Variants in KIAA1328 observed in about 807,000 individuals in gnomAD.
The protein encoded by KIAA1328 is KIAA1328, also known as protein hinderin.
A neutral mutation model predicts 68.1 loss-of-function variants in KIAA1328; 52 were observed. The observed-to-expected ratio is 0.76, with a 90% CI of 0.61 to 0.96. The LOEUF is 0.96. Among genes scored for constraint, KIAA1328 ranks in the 40% least tolerant of loss-of-function variants. The pLI is 0.00. For synonymous variants in KIAA1328, 232 were observed against 239.4 expected, an observed-to-expected ratio of 0.97 and a Z score of 0.28; for missense variants, 641 against 677.6, an observed-to-expected ratio of 0.95 and a Z score of 0.60.
intron 6 of KIAA1328, among the ~76,000 whole-genome samples, chr18:36,965,848 G>A (rs1433332813): frequency 3.3e-5 from 5 of 150,924 alleles, no homozygotes; most frequent in African/African-American, 4.9e-5. Flanking sequence ...CTATCTTCAA[G>A]TTATAATACC....
intron 9 of KIAA1328, among the ~76,000 whole-genome samples, chr18:37,204,671 G>T (rs1041618524): frequency 6.6e-6 from 1 of 150,934 alleles, no homozygotes; most frequent in Non-Finnish European, 1.5e-5. Context: ...TTTCCAAAAG[G>T]CCAGTGAAGT....
rs114490935 is a variant in KIAA1328, at chr18:36,840,903, G to A, written c.238-3305G>A. Among the ~76,000 whole-genome samples the A allele has an allele frequency of 1.6e-3, 236 of 152,184 alleles. 1 individual carries two copies. Among genetic ancestry groups the A allele is most frequent in the African/African-American group, 5.3e-3 (221 of 41,522 alleles). The stretch of plus-strand genomic sequence containing the variant: ...TTAGAAATGGAAGAGATTTAATGAA[G>A]GAAAAGCTTATAAAGCATAAAGAGT... On this transcript the variant is annotated intron_variant, in intron 3 of 9. Coordinates refer to ENST00000280020, the MANE Select transcript of KIAA1328 (RefSeq NM_020776.3).
At chr18:37,077,884 G>C (rs2056801808) in intron 7 of KIAA1328, among the ~76,000 whole-genome samples, 1 of 151,850 alleles carries the variant, frequency 6.6e-6, no homozygotes, top group African/African-American at 2.4e-5. Flanking sequence ...AATCAATATT[G>C]TGAAAATGGC....
intron 7 of KIAA1328, among the ~76,000 whole-genome samples, chr18:37,126,056 T>G (rs1274572950): frequency 6.6e-6 from 1 of 152,226 alleles, no homozygotes; most frequent in African/African-American, 2.4e-5. Flanking sequence ...AACCACAGAT[T>G]GTCTTCATAA....
At chr18:36,965,017 A>G (rs2051859737) in intron 6 of KIAA1328, among the ~76,000 whole-genome samples, 1 of 152,108 alleles carries the variant, frequency 6.6e-6, no homozygotes, top group Admixed American at 6.6e-5. Flanking sequence ...ACTGTTTGTA[A>G]TAAGAGAAAG....
At chr18:37,169,592 G>A (rs979514002) in intron 8 of KIAA1328, among the ~76,000 whole-genome samples, 1 of 151,498 alleles carries the variant, frequency 6.6e-6, no homozygotes, top group East Asian at 1.9e-4. Context: ...TGTAATTGTT[G>A]GTATACTTAA....
intron 7 of KIAA1328, among the ~76,000 whole-genome samples, chr18:37,069,679 G>A (rs1171791147): frequency 2.6e-5 from 4 of 152,114 alleles, no homozygotes; most frequent in African/African-American, 9.7e-5. Context: ...TAAATTCCAA[G>A]TTTAATTTCC....
chr18:37,196,430 C>G (rs184484776), intron 9 of KIAA1328, among the ~76,000 whole-genome samples: 19 of 152,138 alleles, frequency 1.2e-4, no homozygotes, highest in Non-Finnish European at 2.6e-4. Context: ...GTGGGCTTGT[C>G]ATATATGCCC....
At chr18:37,151,130 A>T (rs916883726) in intron 7 of KIAA1328, among the ~76,000 whole-genome samples, 1 of 152,180 alleles carries the variant, frequency 6.6e-6, no homozygotes, top group African/African-American at 2.4e-5. Context: ...AATAAAATTT[A>T]TTTCTATATA....
chr18:37,040,850 A>G (rs2055217252), intron 6 of KIAA1328, among the ~76,000 whole-genome samples: 1 of 151,320 alleles, frequency 6.6e-6, no homozygotes, highest in Admixed American at 6.6e-5. Context: ...ATATTTGGGG[A>G]TTTTTCCAAA....
chr18:37,230,642 G>A (rs780687595), downstream of KIAA1328: 1 of 152,252 alleles, frequency 6.6e-6, no homozygotes, highest in Non-Finnish European at 1.5e-5. Context: ...GCACATAGGA[G>A]GGAGGAAGAA....
At chr18:37,087,452 G>A (rs919507813) in intron 7 of KIAA1328, among the ~76,000 whole-genome samples, 4 of 152,108 alleles carry the variant, frequency 2.6e-5, no homozygotes, top group Admixed American at 1.3e-4. Context: ...CAATGTTTTT[G>A]TCTTATCTCT....
At chr18:36,938,558 C>G (rs2050589557) in intron 5 of KIAA1328, among the ~76,000 whole-genome samples, 1 of 152,050 alleles carries the variant, frequency 6.6e-6, no homozygotes, top group Admixed American at 6.5e-5. Context: ...AGTCTCATTA[C>G]TCTGTTGTTT....
At chr18:37,060,040 G>A (rs1396716196) in intron 6 of KIAA1328, among the ~76,000 whole-genome samples, 2 of 152,012 alleles carry the variant, frequency 1.3e-5, no homozygotes, top group Non-Finnish European at 2.9e-5. Flanking sequence ...GATAGCATTA[G>A]GAAAAATACC....
intron 7 of KIAA1328, among the ~76,000 whole-genome samples, chr18:37,091,753 C>G (rs546238911): frequency 6.6e-6 from 1 of 152,186 alleles, no homozygotes; most frequent in Non-Finnish European, 1.5e-5. Context: ...ATGATGCTGG[C>G]TGGACCCAGT....
At chr18:36,955,133 A>G (rs2051352403) in intron 5 of KIAA1328, among the ~76,000 whole-genome samples, 1 of 110,348 alleles carries the variant, frequency 9.1e-6, no homozygotes, top group Non-Finnish European at 2.0e-5. Context: ...CCTTAAGGCT[A>G]TCTCCTATTT....
intron 7 of KIAA1328, among the ~76,000 whole-genome samples, chr18:37,078,134 T>A (rs1196675938): frequency 6.6e-6 from 1 of 152,066 alleles, no homozygotes; most frequent in Non-Finnish European, 1.5e-5. Context: ...AACAGAGATA[T>A]AGATCAATGG....
chr18:37,087,166 C>T (rs536540788), intron 7 of KIAA1328, among the ~76,000 whole-genome samples: 8 of 152,210 alleles, frequency 5.3e-5, no homozygotes, highest in African/African-American at 1.9e-4. Flanking sequence ...CTCAGTGATC[C>T]TCCCCACTCA....
intron 8 of KIAA1328, among the ~76,000 whole-genome samples, chr18:37,169,607 A>C (rs2059461123): frequency 6.6e-6 from 1 of 152,214 alleles, no homozygotes; most frequent in African/African-American, 2.4e-5. Context: ...ACTTAATATT[A>C]AATAAAATTT....
Sources: gnomAD v4.1 joint callset for allele counts (sites outside exome capture counted in the v4.1 genomes callset) on GRCh38, gnomAD v4.1.1 for gene constraint, MANE v1.5 for transcripts, NCBI Gene and HGNC (gene_info 2026-07-23, HGNC 2026-07-21) for gene names.